Variants in ITIH2 observed in about 807,000 individuals in gnomAD.
ITIH2 encodes the protein inter-alpha-trypsin inhibitor heavy chain 2, also known as inter-alpha-trypsin inhibitor heavy chain H2.
ITIH2 carries 103 observed loss-of-function variants against 104.4 expected under a neutral mutation model. The observed-to-expected ratio is 0.99, with a 90% CI of 0.84 to 1.16. ITIH2 has a LOEUF of 1.16. ITIH2 is among the 50% of genes most tolerant of loss of function. ITIH2 has a pLI of 0.00. For missense variants in ITIH2, 1,108 were observed against 1,162.4 expected, an observed-to-expected ratio of 0.95 and a Z score of 0.68; for synonymous variants, 436 against 435.4, an observed-to-expected ratio of 1.00 and a Z score of -0.02.
At chr10:7,712,686 T>G (rs76122400) in intron 4 of ITIH2, among the ~76,000 whole-genome samples, 5,925 of 152,258 alleles carry the variant, frequency 0.039, 140 homozygotes, top group Middle Eastern at 0.12. Flanking sequence ...AGCCACACTA[T>G]CCAATCAATA....
In ITIH2 at chr10:7,744,217, T is replaced by C. The variant is rs931669502; in HGVS notation, c.2345T>C (p.Leu782Pro). 12 of 1,614,176 alleles carry C rather than the reference T, an allele frequency of 7.4e-6. No homozygotes were observed. The highest frequency in any genetic ancestry group is 9.3e-6 in the Non-Finnish European group (11 of 1,180,018). The change falls in exon 18 of 21, where the codon CTG becomes CCG. Residue 782 changes from leucine (L) to proline (P), a missense_variant. Coordinates refer to ENST00000358415, the MANE Select transcript of ITIH2 (RefSeq NM_002216.3). ...GAAATCAGCACTGAGACCATCACCC[T>C]GAGCCATGGTTCTAGCACATTCTCC... ...KIEISTETIT[L>P]SHGSSTFSLS...
intron 20 of ITIH2, among the ~76,000 whole-genome samples, chr10:7,748,247 CAT>C (rs71385668): frequency 7.0e-5 from 10 of 143,046 alleles, no homozygotes; most frequent in South Asian, 6.5e-4. Flanking sequence ...TATATGTATA[CAT>C]ATATATATAT....
chr10:7,727,193 TCCCATCA>T lies in ITIH2; in HGVS notation c.1153+77_1153+83del. 3 of 1,271,314 alleles carry T rather than the reference TCCCATCA, an allele frequency of 2.4e-6. No homozygotes were observed. In the South Asian group the frequency reaches 4.3e-5, roughly 18 times the overall value. 78.8% of individuals were successfully genotyped at this position (1,271,314 alleles called of 1,614,324 possible). On this transcript the variant is annotated intron_variant, in intron 10 of 20. Coordinates refer to ENST00000358415, the MANE Select transcript of ITIH2 (RefSeq NM_002216.3). ...TCATGATTCACTTAAGAAGCATTAT[TCCCATCA>T]CAGTGGTCTTTCCCCAGCATTCGAG...
intron 5 of ITIH2, among the ~76,000 whole-genome samples, chr10:7,715,555 G>A (rs1041684647): frequency 1.3e-5 from 2 of 152,086 alleles, no homozygotes; most frequent in African/African-American, 4.8e-5. Context: ...GGCAGGGAAC[G>A]CAGAGCTCCC....
At chr10:7,747,884 G>A (rs1835194693) in intron 20 of ITIH2, among the ~76,000 whole-genome samples, 1 of 151,110 alleles carries the variant, frequency 6.6e-6, no homozygotes, top group Non-Finnish European at 1.5e-5. Flanking sequence ...GGGTAACAGA[G>A]AGAGACCTGT....
Position 7,734,894 on chromosome 10 carries a change from C to G in ITIH2, c.1788-28C>G, listed in dbSNP as rs775238855. 5 of 1,588,392 alleles carry G rather than the reference C, an allele frequency of 3.1e-6. No homozygotes were observed. The South Asian group carries it at 5.6e-5, about 18-fold the overall frequency. On this transcript the variant is annotated intron_variant, in intron 14 of 20. Coordinates refer to ENST00000358415, the MANE Select transcript of ITIH2 (RefSeq NM_002216.3). ...GCTCCCCCTCCAATGCAGCCATGCT[C>G]CATAACACCTCTACTTCTTGAATAC...
In ITIH2 at chr10:7,737,578, T is replaced by A. The variant is rs1301857518; in HGVS notation, c.1958-1043T>A. Among the ~76,000 whole-genome samples, 35 of 80,200 alleles carry A rather than the reference T, an allele frequency of 4.4e-4. 1 individual carries two copies. The highest frequency in any genetic ancestry group is 1.3e-3 in the African/African-American group (32 of 24,424). The allele number at this position is 80,200 out of a possible 152,430, so 52.6% of individuals were successfully genotyped here. On this transcript the variant is annotated intron_variant, in intron 15 of 20. Coordinates refer to ENST00000358415, the MANE Select transcript of ITIH2 (RefSeq NM_002216.3). ...TTCTATATAATATTATATATTAAAT[T>A]CTATATTCTATATTATATTCTATAT...
intron 15 of ITIH2, 80 bp downstream of exon 15, chr10:7,735,171 C>G (rs1835042780): frequency 1.5e-6 from 2 of 1,313,304 alleles, no homozygotes; most frequent in East Asian, 5.1e-5. Flanking sequence ...TGCCTCCGCT[C>G]TCTCCCACCC....
rs1193577691 is a variant in ITIH2 at position 7,718,977 on chromosome 10, G to C, written c.630+1189G>C. 2.0e-5 allele frequency among the ~76,000 whole-genome samples: 3 copies of C among 152,102 alleles called. No homozygotes were observed. In the East Asian group the frequency reaches 5.8e-4, roughly 29 times the overall value. On this transcript the variant is annotated intron_variant, in intron 6 of 20. Coordinates refer to ENST00000358415, the MANE Select transcript of ITIH2 (RefSeq NM_002216.3). ...TAAAGACTAAACTGCTCTTTTCTTT[G>C]CTCAAATCTTTGTGACATCCTATGA...
intron 6 of ITIH2, among the ~76,000 whole-genome samples, chr10:7,719,287 T>C (rs1262471265): frequency 1.3e-5 from 2 of 152,204 alleles, no homozygotes. Context: ...TGCTTTTGCG[T>C]GAATTGAAAA....
intron 16 of ITIH2, 108 bp from the exon 17 acceptor site, chr10:7,743,038 C>A: frequency 4.5e-6 from 3 of 661,114 alleles, no homozygotes; most frequent in Non-Finnish European, 5.3e-6. Context: ...AGGAGAAGCA[C>A]AATAAATATT....
rs771604172 is a variant in ITIH2, at chr10:7,721,771, A to G, written c.861A>G (p.Glu287=). The G allele has an allele frequency of 1.2e-6, 2 of 1,613,870 alleles. No individual in the cohort carries two copies. Among genetic ancestry groups the G allele is most frequent in the Non-Finnish European group, 1.7e-6 (2 of 1,179,888 alleles). ...TGAAAAGAGAAGAGAAGGCTGGTGAACTGGAGGTGAGTGCACACCGGCTCT... is the reference window on the plus strand; with the variant it reads ...TGAAAAGAGAAGAGAAGGCTGGTGAGCTGGAGGTGAGTGCACACCGGCTCT... The part of the protein sequence containing the change: ...YDVKREEKAG[E]LEVFNGYFVH... Residue 287 remains glutamate (E), a synonymous_variant, in exon 8 of 21, where the codon GAA becomes GAG. Transcript: ENST00000358415.
chr10:7,719,760 CAAAAAAAA>C (rs71385664), intron 6 of ITIH2, among the ~76,000 whole-genome samples: 500 of 41,722 alleles, frequency 0.012, 8 homozygotes, highest in African/African-American at 0.049. Flanking sequence ...GACCCTGTCT[CAAAAAAAA>C]AAAAAAAAAA....
intron 14 of ITIH2, among the ~76,000 whole-genome samples, chr10:7,733,319 A>G (rs1588458384): frequency 6.7e-6 from 1 of 149,978 alleles, no homozygotes; most frequent in South Asian, 2.1e-4. Flanking sequence ...TACTGTCTCG[A>G]TCTCCTGACC....
chr10:7,729,954 G>C lies in ITIH2; in HGVS notation c.1282G>C (p.Glu428Gln). The change falls in exon 12 of 21, where the codon GAA becomes CAA. Residue 428 changes from glutamate (E) to glutamine (Q), a missense_variant and splice_region_variant. By Grantham distance (29) the Glu-to-Gln change is conservative (BLOSUM62 2). Transcript: ENST00000358415. ...LVSDGDPTVG[E>Q]LKLSKIQKNV... is the part of the protein sequence containing the mutation. ...CTTTCGGACATCACCAACTTTAGGC[G>C]AACTAAAACTGTCAAAAATTCAGAA... 6.3e-7 allele frequency: 1 copy of C among 1,589,834 alleles called. No homozygotes were observed. The highest frequency in any genetic ancestry group is 8.5e-7 in the Non-Finnish European group (1 of 1,169,884).
At chr10:7,743,882 AATTTT>A (rs890031413) in intron 17 of ITIH2, among the ~76,000 whole-genome samples, 195 bp from the exon 18 acceptor site, 4 of 151,986 alleles carry the variant, frequency 2.6e-5, no homozygotes, top group African/African-American at 9.7e-5. Flanking sequence ...TATTAAATTA[AATTTT>A]ATTAAAATTT....
At chr10:7,722,829 C>A (rs934086328) in intron 8 of ITIH2, among the ~76,000 whole-genome samples, 1 of 152,242 alleles carries the variant, frequency 6.6e-6, no homozygotes, top group Non-Finnish European at 1.5e-5. Flanking sequence ...CACCGCGCTG[C>A]ACATTGCCTC....
chr10:7,728,258 C>T (rs183295608), intron 11 of ITIH2, among the ~76,000 whole-genome samples: 2 of 152,280 alleles, frequency 1.3e-5, no homozygotes, highest in Admixed American at 6.5e-5. Flanking sequence ...ACACTTCTCC[C>T]GGTTGCACCT....
chr10:7,749,269 T>G lies in ITIH2; in HGVS notation c.2776T>G (p.Phe926Val). 1 of 1,614,148 alleles carries G rather than the reference T, an allele frequency of 6.2e-7. No individual in the cohort carries two copies. The highest frequency in any genetic ancestry group is 1.1e-5 in the South Asian group (1 of 91,090). ...GTTTGTGCACAACAGTGGAAAAGGATTCATTGACGGGCATTACAAGGATTA... is the reference window on the plus strand; with the variant it reads ...GTTTGTGCACAACAGTGGAAAAGGAGTCATTGACGGGCATTACAAGGATTA... ...CWFVHNSGKG[F>V]IDGHYKDYFV... The change falls in exon 21 of 21, where the codon TTC (phenylalanine) becomes GTC (valine). Residue 926 changes from phenylalanine (F) to valine (V), a missense_variant. Coordinates refer to ENST00000358415, the MANE Select transcript of ITIH2 (RefSeq NM_002216.3).
Sources: allele counts gnomAD v4.1 joint callset (sites outside exome capture counted in the v4.1 genomes callset), GRCh38; gene constraint gnomAD v4.1.1; transcripts MANE v1.5; gene names NCBI Gene and HGNC (gene_info 2026-07-23, HGNC 2026-07-21).